Variants in ANK3 observed in about 807,000 individuals in gnomAD.
ANK3 encodes the protein ankyrin 3.
In ANK3, 57 loss-of-function variants were observed where a neutral mutation model predicts 370.9. That is an observed-to-expected ratio of 0.15 (90% CI 0.12 to 0.19). The LOEUF (loss-of-function observed/expected upper bound fraction) is 0.19. ANK3 is among the 10% of genes least tolerant of loss of function. ANK3 has a pLI of 1.00. For missense variants in ANK3, 4,439 were observed against 5,302.1 expected, an observed-to-expected ratio of 0.84 and a Z score of 5.06; for synonymous variants, 1,929 against 1,946.3, an observed-to-expected ratio of 0.99 and a Z score of 0.23.
At chr10:60,312,097 T>C (rs957956811) in intron 1 of ANK3, among the ~76,000 whole-genome samples, 10 of 152,164 alleles carry the variant, frequency 6.6e-5, no homozygotes, top group African/African-American at 2.4e-4. Flanking sequence ...CAGGATAGAC[T>C]TGAGCTGGTT....
At chr10:60,412,262 C>A (rs767676838) in intron 2 of ANK3, among the ~76,000 whole-genome samples, 2 of 152,090 alleles carry the variant, frequency 1.3e-5, no homozygotes, top group African/African-American at 2.4e-5. Context: ...GACTCAGTAG[C>A]GTAGATTGCC....
At chr10:60,506,372 C>T (rs1382967236) in intron 2 of ANK3, among the ~76,000 whole-genome samples, 10 of 152,080 alleles carry the variant, frequency 6.6e-5, no homozygotes, top group African/African-American at 2.2e-4. Context: ...CTGGGAATAA[C>T]AACTTTGGCT....
intron 5 of ANK3, 87 bp from the exon 6 acceptor site, chr10:60,264,107 C>T (rs1418459162): frequency 4.4e-6 from 5 of 1,140,902 alleles, no homozygotes; most frequent in Admixed American, 2.7e-5. Flanking sequence ...ACCAAGTGAC[C>T]AAGCATCAAT....
At chr10:60,153,509 T>C (rs2095228791) in intron 23 of ANK3, among the ~76,000 whole-genome samples, 1 of 152,182 alleles carries the variant, frequency 6.6e-6, no homozygotes, top group Non-Finnish European at 1.5e-5. Context: ...CCTTGGGCGA[T>C]GGAGCCATTT....
intron 1 of ANK3, among the ~76,000 whole-genome samples, chr10:60,668,091 G>A (rs941412182): frequency 2.3e-4 from 35 of 151,416 alleles, no homozygotes; most frequent in Non-Finnish European, 1.0e-4. Context: ...ATTAATATGT[G>A]CAATCCTGCT....
intron 41 of ANK3, among the ~76,000 whole-genome samples, chr10:60,058,648 T>C (rs2079690391): frequency 1.3e-5 from 2 of 152,204 alleles, no homozygotes; most frequent in South Asian, 2.1e-4. Flanking sequence ...GGTGTATTGA[T>C]TTGTTTAATC....
At chr10:60,622,535 C>G (rs761036290) in intron 1 of ANK3, among the ~76,000 whole-genome samples, 1 of 152,028 alleles carries the variant, frequency 6.6e-6, no homozygotes, top group Non-Finnish European at 1.5e-5. Flanking sequence ...GCCACCGTGC[C>G]CAGCTACCTG....
chr10:60,387,950 T>A (rs2062644289), intron 1 of ANK3, among the ~76,000 whole-genome samples: 1 of 152,148 alleles, frequency 6.6e-6, no homozygotes, highest in South Asian at 2.1e-4. Context: ...TACAAATATA[T>A]GTACCTTTTC....
intron 30 of ANK3, chr10:60,086,473 C>T: frequency 6.4e-6 from 3 of 470,418 alleles, no homozygotes; most frequent in Non-Finnish European, 7.3e-6. Context: ...GTCATGAGAC[C>T]AGGATCTTGA....
intron 23 of ANK3, among the ~76,000 whole-genome samples, chr10:60,151,605 A>G (rs2095119503): frequency 6.6e-6 from 1 of 152,150 alleles, no homozygotes; most frequent in Non-Finnish European, 1.5e-5. Flanking sequence ...AGTGTTCAAA[A>G]TTACAATCTG....
chr10:60,192,821 A>T (rs945757005), intron 16 of ANK3, among the ~76,000 whole-genome samples: 1 of 152,132 alleles, frequency 6.6e-6, no homozygotes, highest in Admixed American at 6.5e-5. Context: ...ACACAACTGC[A>T]CTTGTACCCC....
chr10:60,059,850 T>G, intron 40 of ANK3: 1 of 1,614,234 alleles, frequency 6.2e-7, no homozygotes, highest in East Asian at 2.2e-5. Context: ...TATGTTCCCC[T>G]GGGAAGGCAC....
chr10:60,088,242 G>A lies in ANK3; in HGVS notation c.3445C>T (p.Pro1149Ser), dbSNP rs2087200584. 1.9e-6 allele frequency: 3 copies of A among 1,614,018 alleles called. No individual in the cohort carries two copies. The highest frequency in any genetic ancestry group is 2.5e-6 in the Non-Finnish European group (3 of 1,179,996). The change falls in exon 29 of 44, where the codon CCT (proline) becomes TCT (serine). Residue 1149 changes from proline (P) to serine (S), a missense_variant. Physicochemically the swap from Pro to Ser is moderately conservative, Grantham distance 74 (BLOSUM62 -1). Coordinates refer to ENST00000280772, the MANE Select transcript of ANK3 (RefSeq NM_020987.5). The part of the protein sequence containing the change: ...RIKQESNQIG[P>S]EGGILSSTTV... ...GTGCTGCTCAGAATTCCACCTTCAG[G>A]ACCAATCTGGTTGCTTTCCTGCTTA...
At chr10:60,189,986 A>C (rs2096443854) in intron 16 of ANK3, among the ~76,000 whole-genome samples, 2 of 152,218 alleles carry the variant, frequency 1.3e-5, no homozygotes, top group African/African-American at 4.8e-5. Flanking sequence ...TCTCTTCTAC[A>C]ATTAGTATCC....
chr10:60,044,227 A>G, intron 42 of ANK3: 1 of 984,834 alleles, frequency 1.0e-6, no homozygotes, highest in African/African-American at 1.7e-5. Flanking sequence ...CAGAAAATCT[A>G]AATTCCAAGA....
At chr10:60,053,764 G>C in intron 42 of ANK3, 1 of 1,301,600 alleles carries the variant, frequency 7.7e-7, no homozygotes, top group Non-Finnish European at 1.0e-6. Flanking sequence ...GCTGTTTTCT[G>C]AGATCATACA....
chr10:60,283,286 G>A (rs1369740773), intron 1 of ANK3, among the ~76,000 whole-genome samples: 3 of 147,530 alleles, frequency 2.0e-5, no homozygotes, highest in Non-Finnish European at 3.0e-5. Context: ...TCTCACTGCC[G>A]TCATTTCATG....
Position 60,074,961 on chromosome 10 carries a change from G to T in ANK3, c.5920C>A (p.Pro1974Thr). ...KDVCVDNKGS[P>T]KSPKSDKGHS... ...CCTTTGTCACTCTTTGGTGATTTGG[G>T]TGATCCTTTATTATCTACACATACA... is the stretch of plus-strand genomic sequence containing the variant. Residue 1974 changes from proline (P) to threonine (T), a missense_variant, in exon 37 of 44, where the codon CCC becomes ACC. By Grantham distance (38) the Pro-to-Thr change is conservative. Transcript: ENST00000280772. The T allele has an allele frequency of 6.2e-7, 1 of 1,614,058 alleles. No individual in the cohort carries two copies. Among genetic ancestry groups the T allele is most frequent in the South Asian group, 1.1e-5 (1 of 91,074 alleles).
chr10:60,569,556 T>G (rs2077542695), intron 2 of ANK3, among the ~76,000 whole-genome samples: 1 of 152,116 alleles, frequency 6.6e-6, no homozygotes, highest in African/African-American at 2.4e-5. Flanking sequence ...AACACAGAAA[T>G]TATTAGAAAA....
Sources: gnomAD v4.1 joint callset for allele counts (sites outside exome capture counted in the v4.1 genomes callset) on GRCh38, gnomAD v4.1.1 for gene constraint, MANE v1.5 for transcripts, NCBI Gene and HGNC (gene_info 2026-07-23, HGNC 2026-07-21) for gene names.